The following PCDH15 variants were observed in gnomAD, a reference collection of about 807,000 sequenced individuals.
PCDH15 encodes the protein protocadherin-15.
Under a neutral mutation model 178.5 loss-of-function variants are expected in PCDH15, and 129 were observed. That is an observed-to-expected ratio of 0.72 (90% CI 0.63 to 0.84). PCDH15 has a LOEUF of 0.84. Ranked by LOEUF, PCDH15 falls within the 40% of genes least tolerant of loss-of-function variation. PCDH15 has a pLI of 0.00. For missense variants in PCDH15, 2,230 were observed against 2,099.9 expected, an observed-to-expected ratio of 1.06 and a Z score of -1.21; for synonymous variants, 800 against 732.0, an observed-to-expected ratio of 1.09 and a Z score of -1.50.
chr10:53,956,762 G>T lies in PCDH15; in HGVS notation c.3122+2970C>A, dbSNP rs563508707. Among the ~76,000 whole-genome samples the T allele has an allele frequency of 3.0e-3, 463 of 152,152 alleles. 1 individual carries two copies. Among genetic ancestry groups the T allele is most frequent in the Middle Eastern group, 6.8e-3 (2 of 292 alleles). ...GCAATTTTGTAATTGTTAGAATTCT[G>T]GAAGATCAAAATTCTCCCACATGTA... On this transcript the variant is annotated intron_variant, in intron 23 of 37. Transcript: ENST00000644397.
chr10:54,062,188 A>G (rs2094030541), intron 18 of PCDH15, among the ~76,000 whole-genome samples: 1 of 136,948 alleles, frequency 7.3e-6, no homozygotes, highest in Non-Finnish European at 1.5e-5. Context: ...ACTCCATTGC[A>G]CTCCATCCAG....
chr10:54,176,095 A>G (rs1031999499), intron 13 of PCDH15, among the ~76,000 whole-genome samples: 1 of 152,210 alleles, frequency 6.6e-6, no homozygotes, highest in African/African-American at 2.4e-5. Flanking sequence ...TCTTACGCCA[A>G]ATAGAACATA....
At chr10:54,071,096 C>T (rs1353107639) in intron 17 of PCDH15, among the ~76,000 whole-genome samples, 2 of 152,082 alleles carry the variant, frequency 1.3e-5, no homozygotes, top group Non-Finnish European at 2.9e-5. Context: ...AAATAATTAA[C>T]TAATTTTCTA....
chr10:55,330,829 G>C (rs1230589053), intron 2 of PCDH15, among the ~76,000 whole-genome samples: 1 of 120,860 alleles, frequency 8.3e-6, no homozygotes, highest in Non-Finnish European at 1.7e-5. Context: ...TAAATAGATA[G>C]ATTTATTTAT....
At chr10:55,328,764 AG>A (rs1469174637) in intron 2 of PCDH15, among the ~76,000 whole-genome samples, 1 of 151,008 alleles carries the variant, frequency 6.6e-6, no homozygotes, top group Non-Finnish European at 1.5e-5. Flanking sequence ...TCGGTACCGT[AG>A]GTCATCTAGA....
At chr10:54,918,360 GT>G (rs1170450094) in intron 2 of PCDH15, among the ~76,000 whole-genome samples, 2 of 151,992 alleles carry the variant, frequency 1.3e-5, no homozygotes, top group Non-Finnish European at 2.9e-5. Flanking sequence ...TATAGGATTT[GT>G]TTTTTGGTTT....
intron 2 of PCDH15, among the ~76,000 whole-genome samples, chr10:54,604,706 C>T (rs988981461): frequency 6.6e-6 from 1 of 151,790 alleles, no homozygotes; most frequent in Admixed American, 6.6e-5. Context: ...CAGTTAATAT[C>T]GTGTGATTGG....
chr10:55,393,966 C>T (rs1837861388), intron 2 of PCDH15, among the ~76,000 whole-genome samples: 1 of 152,052 alleles, frequency 6.6e-6, no homozygotes, highest in Admixed American at 6.6e-5. Flanking sequence ...CTTGCCTCCC[C>T]TTACAAATAT....
chr10:54,533,836 A>C (rs867279396), intron 2 of PCDH15, among the ~76,000 whole-genome samples: 7 of 152,164 alleles, frequency 4.6e-5, no homozygotes, highest in Admixed American at 3.3e-4. Context: ...AACCATTTCA[A>C]ATCTTTGGGG....
Position 54,494,761 on chromosome 10 carries a change from G to T in PCDH15, c.157+33051C>A, listed in dbSNP as rs111346293. On this transcript the variant is annotated intron_variant, in intron 3 of 37. Coordinates refer to ENST00000644397, the MANE Select transcript of PCDH15 (RefSeq NM_001384140.1). ...CCTCACAATAATTCTTTTGAATAGG[G>T]TCTCTCTTTGCTAAATCCAGATTCC... is the stretch of plus-strand genomic sequence containing the variant. 1.7e-3 allele frequency among the ~76,000 whole-genome samples: 255 copies of T among 152,062 alleles called. 2 individuals carry two copies. Among genetic ancestry groups the T allele is most frequent in the Admixed American group, 4.5e-3 (69 of 15,264 alleles).
intron 2 of PCDH15, among the ~76,000 whole-genome samples, chr10:55,026,205 T>C (rs1188588881): frequency 6.6e-6 from 1 of 151,894 alleles, no homozygotes; most frequent in Non-Finnish European, 1.5e-5. Flanking sequence ...CATAATTATA[T>C]ACAAAATAGA....
intron 15 of PCDH15, among the ~76,000 whole-genome samples, chr10:54,093,125 G>T (rs533855265): frequency 6.6e-6 from 1 of 152,096 alleles, no homozygotes; most frequent in African/African-American, 2.4e-5. Flanking sequence ...CAATCCCAGA[G>T]GTAGCTTGAA....
At chr10:54,632,422 T>C (rs1937394) in intron 2 of PCDH15, among the ~76,000 whole-genome samples, 83,832 of 151,762 alleles carry the variant, frequency 0.55, 23,164 homozygotes, top group Non-Finnish European at 0.57. Context: ...GAATCTAAAA[T>C]AACAGTTGAA....
chr10:54,454,765 C>T (rs2076711156), intron 3 of PCDH15, among the ~76,000 whole-genome samples: 1 of 152,108 alleles, frequency 6.6e-6, no homozygotes, highest in African/African-American at 2.4e-5. Context: ...ATTCTTTTGT[C>T]TTTTGACCTT....
chr10:55,445,961 T>C (rs1839306680), intron 2 of PCDH15, among the ~76,000 whole-genome samples: 2 of 152,096 alleles, frequency 1.3e-5, no homozygotes, highest in Admixed American at 1.3e-4. Context: ...AGTGGGGACA[T>C]ACTAGAAACA....
chr10:55,466,179 G>A (rs1484948727), intron 2 of PCDH15, among the ~76,000 whole-genome samples: 1 of 152,088 alleles, frequency 6.6e-6, no homozygotes, highest in Non-Finnish European at 1.5e-5. Context: ...AAACATGGAT[G>A]AAGTGATGAA....
intron 25 of PCDH15, among the ~76,000 whole-genome samples, chr10:53,905,644 C>G (rs553481067): frequency 6.6e-6 from 1 of 152,148 alleles, no homozygotes; most frequent in South Asian, 2.1e-4. Context: ...GCCGACAATT[C>G]TTAAAAATAC....
At chr10:55,506,244 T>C (rs1840757014) in intron 2 of PCDH15, 1 of 151,492 alleles carries the variant, frequency 6.6e-6, no homozygotes, top group African/African-American at 2.4e-5. Flanking sequence ...TTTGATTGGA[T>C]GGACACTGGA....
At chr10:54,321,262 C>T (rs2061587358) in intron 7 of PCDH15, among the ~76,000 whole-genome samples, 1 of 149,848 alleles carries the variant, frequency 6.7e-6, no homozygotes, top group Admixed American at 6.7e-5. Flanking sequence ...ATCCTGGGCT[C>T]AAGTAATCCT....
Sources: allele counts gnomAD v4.1 joint callset (sites outside exome capture counted in the v4.1 genomes callset), GRCh38; gene constraint gnomAD v4.1.1; transcripts MANE v1.5; gene names NCBI Gene and HGNC (gene_info 2026-07-23, HGNC 2026-07-21).